The following RARB variants were observed in gnomAD, a reference collection of about 807,000 sequenced individuals.
RARB encodes retinoic acid receptor beta.
A neutral mutation model predicts 51.9 loss-of-function variants in RARB; 17 were observed. The observed-to-expected ratio is 0.33, with a 90% CI of 0.22 to 0.49. RARB has a LOEUF of 0.49. Among genes scored for constraint, RARB ranks in the 20% least tolerant of loss-of-function variants. The pLI is 0.99. For missense variants in RARB, 369 were observed against 550.8 expected (o/e 0.67, Z 3.30); for synonymous variants, 215 against 195.4 (o/e 1.10, Z -0.84).
At chr3:25,412,839 G>A (rs531735473) in intron 5 of RARB, among the ~76,000 whole-genome samples, 1 of 152,080 alleles carries the variant, frequency 6.6e-6, no homozygotes, top group African/African-American at 2.4e-5. Context: ...GACCAACATG[G>A]AGCAACCCCA....
At chr3:24,945,759 C>T (rs1311961633) in intron 2 of RARB, among the ~76,000 whole-genome samples, 3 of 152,224 alleles carry the variant, frequency 2.0e-5, no homozygotes, top group East Asian at 1.9e-4. Context: ...ATTTCTTGTT[C>T]TCCTTGACAC....
chr3:25,276,754 G>A (rs575427379), intron 5 of RARB, among the ~76,000 whole-genome samples: 2 of 152,292 alleles, frequency 1.3e-5, no homozygotes, highest in Admixed American at 1.3e-4. Context: ...AAAGAGCACA[G>A]TCCTTGGTAG....
chr3:25,228,217 G>GTTTTTTTTTTTTT (rs55796125), intron 5 of RARB, among the ~76,000 whole-genome samples: 1 of 105,628 alleles, frequency 9.5e-6, no homozygotes, highest in Non-Finnish European at 1.9e-5. Context: ...GACTTTGAGG[G>GTTTTTTTTTTTTT]TTTTTTTTTT....
At chr3:25,207,140 C>G (rs1184608568) in intron 5 of RARB, among the ~76,000 whole-genome samples, 1 of 152,164 alleles carries the variant, frequency 6.6e-6, no homozygotes, top group Non-Finnish European at 1.5e-5. Flanking sequence ...GTATAAATCA[C>G]TACTGCTTTT....
intron 5 of RARB, among the ~76,000 whole-genome samples, chr3:25,291,445 T>G (rs191537838): frequency 1.3e-5 from 2 of 151,420 alleles, no homozygotes; most frequent in Admixed American, 6.6e-5. Flanking sequence ...ATTTAAGAGA[T>G]ATGGGTAAAA....
chr3:24,829,727 A>T (rs1702254906), intron 1 of RARB, among the ~76,000 whole-genome samples: 1 of 152,266 alleles, frequency 6.6e-6, no homozygotes, highest in East Asian at 1.9e-4. Flanking sequence ...CTTTGTTCTC[A>T]TTAGGCCAAA....
At chr3:24,862,628 C>T (rs1053806435) in intron 2 of RARB, among the ~76,000 whole-genome samples, 1 of 152,098 alleles carries the variant, frequency 6.6e-6, no homozygotes, top group African/African-American at 2.4e-5. Flanking sequence ...GTCACTTAGT[C>T]ATTTCAATTA....
At chr3:25,045,748 A>G (rs1698202557) in intron 2 of RARB, among the ~76,000 whole-genome samples, 1 of 152,280 alleles carries the variant, frequency 6.6e-6, no homozygotes. Context: ...AATTACAAGC[A>G]TATTAAGTTC....
chr3:25,530,575 G>A (rs988355997), intron 3 of RARB, among the ~76,000 whole-genome samples: 1 of 152,190 alleles, frequency 6.6e-6, no homozygotes, highest in African/African-American at 2.4e-5. Context: ...TTCAAAGCCA[G>A]CCATGGCCAG....
intron 5 of RARB, among the ~76,000 whole-genome samples, chr3:25,235,355 G>A (rs1338104145): frequency 6.6e-6 from 1 of 152,064 alleles, no homozygotes; most frequent in Non-Finnish European, 1.5e-5. Context: ...TTGCTCAGAA[G>A]AACAGATGCT....
chr3:25,117,348 C>A (rs1699705666), intron 3 of RARB, among the ~76,000 whole-genome samples: 1 of 152,138 alleles, frequency 6.6e-6, no homozygotes, highest in South Asian at 2.1e-4. Flanking sequence ...AATAAAAGTT[C>A]ACCAGGAGCA....
At chr3:24,954,609 A>G (rs1330850759) in intron 2 of RARB, among the ~76,000 whole-genome samples, 1 of 152,202 alleles carries the variant, frequency 6.6e-6, no homozygotes, top group Non-Finnish European at 1.5e-5. Context: ...CTTGTAATCA[A>G]GTGACTATTT....
At chr3:25,445,614 C>T (rs1234588371) in intron 1 of RARB, among the ~76,000 whole-genome samples, 1 of 152,054 alleles carries the variant, frequency 6.6e-6, no homozygotes, top group Non-Finnish European at 1.5e-5. Flanking sequence ...TTGCAGTGAG[C>T]CGAGGTCGCG....
At chr3:25,019,119 C>G (rs1697575043) in intron 2 of RARB, among the ~76,000 whole-genome samples, 1 of 152,112 alleles carries the variant, frequency 6.6e-6, no homozygotes, top group Non-Finnish European at 1.5e-5. Context: ...TTCATTATAG[C>G]CATAGAGTTC....
At chr3:25,019,507 A>G (rs1377403688) in intron 2 of RARB, among the ~76,000 whole-genome samples, 1 of 151,986 alleles carries the variant, frequency 6.6e-6, no homozygotes, top group Non-Finnish European at 1.5e-5. Flanking sequence ...ACGGGTTTAT[A>G]ACCTTCTAAA....
At chr3:24,833,339 T>C (rs1404166771) in intron 1 of RARB, 1 of 152,260 alleles carries the variant, frequency 6.6e-6, no homozygotes, top group East Asian at 1.9e-4. Flanking sequence ...TGATCTCATC[T>C]CTAAATAAAG....
chr3:25,045,360 G>T (rs1454032061), intron 2 of RARB, among the ~76,000 whole-genome samples: 1 of 152,132 alleles, frequency 6.6e-6, no homozygotes, highest in African/African-American at 2.4e-5. Context: ...TGAGACAGGA[G>T]GGGGGTTTAT....
At chr3:25,077,646 T>A (rs2125311384) in intron 3 of RARB, among the ~76,000 whole-genome samples, 1 of 152,320 alleles carries the variant, frequency 6.6e-6, no homozygotes, top group Non-Finnish European at 1.5e-5. Flanking sequence ...TATGAAGATT[T>A]TTATACAAAA....
intron 3 of RARB, among the ~76,000 whole-genome samples, chr3:25,098,508 G>A (rs1037624356): frequency 2.0e-5 from 3 of 152,172 alleles, no homozygotes; most frequent in Non-Finnish European, 4.4e-5. Context: ...ACCTATATAA[G>A]GCTTAGCTTC....
Sources: gnomAD v4.1 joint callset for allele counts (sites outside exome capture counted in the v4.1 genomes callset) on GRCh38, gnomAD v4.1.1 for gene constraint, MANE v1.5 for transcripts, NCBI Gene and HGNC (gene_info 2026-07-23, HGNC 2026-07-21) for gene names.